The following NCOA2 variants were observed in gnomAD, a reference collection of about 807,000 sequenced individuals.
NCOA2 encodes the protein class E basic helix-loop-helix protein 75.
Under a neutral mutation model 145.1 loss-of-function variants are expected in NCOA2, and 21 were observed. That is an observed-to-expected ratio of 0.14 (90% CI 0.10 to 0.21). The LOEUF (loss-of-function observed/expected upper bound fraction) is 0.21. Among genes scored for constraint, NCOA2 ranks in the 10% least tolerant of loss-of-function variants. The pLI is 1.00. For missense variants in NCOA2, 1,472 were observed against 1,837.6 expected (o/e 0.80, Z 3.64); for synonymous variants, 619 against 637.5 (o/e 0.97, Z 0.44).
intron 1 of NCOA2, among the ~76,000 whole-genome samples, chr8:70,303,681 A>C (rs1827667502): frequency 2.0e-5 from 3 of 152,222 alleles, no homozygotes; most frequent in Admixed American, 2.0e-4. Flanking sequence ...TCTTTGAGTA[A>C]GACAATAACC....
chr8:70,149,774 A>G (rs1156425829), intron 11 of NCOA2, among the ~76,000 whole-genome samples: 1 of 152,216 alleles, frequency 6.6e-6, no homozygotes, highest in African/African-American at 2.4e-5. Context: ...TAGTGCAGAA[A>G]GTAGTACGAA....
chr8:70,395,745 G>C (rs1640529344), intron 1 of NCOA2, among the ~76,000 whole-genome samples: 2 of 152,128 alleles, frequency 1.3e-5, no homozygotes, highest in Admixed American at 6.5e-5. Context: ...TCCTCATTTA[G>C]ACGGGGACTT....
intron 2 of NCOA2, among the ~76,000 whole-genome samples, chr8:70,226,129 A>G (rs1335380581): frequency 1.3e-5 from 2 of 152,206 alleles, no homozygotes; most frequent in Non-Finnish European, 2.9e-5. Flanking sequence ...AATTTAAAAC[A>G]GAAAAGTTAT....
intron 11 of NCOA2, 98 bp from the exon 12 acceptor site, chr8:70,148,581 A>T: frequency 9.6e-7 from 1 of 1,045,834 alleles, no homozygotes; most frequent in Non-Finnish European, 1.4e-6. Flanking sequence ...AAGGCACCAC[A>T]GCCAAATAAA....
intron 2 of NCOA2, among the ~76,000 whole-genome samples, chr8:70,282,519 C>T (rs1265034500): frequency 1.3e-5 from 2 of 152,074 alleles, no homozygotes; most frequent in East Asian, 3.8e-4. Flanking sequence ...AACCCCATCT[C>T]TACCAAAAAT....
rs1305506200 is a variant in NCOA2 at position 70,148,487 on chromosome 8, T to C, written c.2395-4A>G. The C allele has an allele frequency of 3.1e-6, 5 of 1,612,340 alleles. No homozygotes were observed. Among genetic ancestry groups the C allele is most frequent in the East Asian group, 2.2e-5 (1 of 44,874 alleles). ...AGTTGTCCAGCTCACTGCCAGGCTG[T>C]AGTTGACAAACAGAAGAGTTTATCC... On this transcript the variant is annotated splice_region_variant and splice_polypyrimidine_tract_variant and intron_variant, in intron 11 of 22. Coordinates refer to ENST00000452400, the MANE Select transcript of NCOA2 (RefSeq NM_006540.4).
Position 70,189,012 on chromosome 8 carries a change from A to C in NCOA2, c.260-14153T>G, listed in dbSNP as rs1463247179. Among the ~76,000 whole-genome samples, 3 of 152,200 alleles carry C rather than the reference A, an allele frequency of 2.0e-5. No homozygotes were observed. In the East Asian group the frequency reaches 5.8e-4, roughly 29 times the overall value. ...TACCAAATGTACATTGTTTCTTTTT[A>C]ACAAATTAAAATAATGCTGGATTTT... is the stretch of plus-strand genomic sequence containing the variant. On this transcript the variant is annotated intron_variant, in intron 4 of 22. Coordinates refer to ENST00000452400, the MANE Select transcript of NCOA2 (RefSeq NM_006540.4).
intron 4 of NCOA2, among the ~76,000 whole-genome samples, chr8:70,186,249 C>T (rs1213586887): frequency 6.6e-6 from 1 of 152,142 alleles, no homozygotes; most frequent in Non-Finnish European, 1.5e-5. Context: ...AACAGAACTT[C>T]TGTGGGGAAA....
intron 11 of NCOA2, among the ~76,000 whole-genome samples, chr8:70,153,572 G>A (rs1811979067): frequency 6.6e-6 from 1 of 152,086 alleles, no homozygotes; most frequent in East Asian, 1.9e-4. Context: ...GGAAGGCCTG[G>A]CCACGTTAGA....
chr8:70,204,616 C>T (rs1054052006), intron 4 of NCOA2, among the ~76,000 whole-genome samples: 1 of 152,116 alleles, frequency 6.6e-6, no homozygotes, highest in Non-Finnish European at 1.5e-5. Context: ...AACCATTACA[C>T]AAGGCTGAAT....
Position 70,156,038 on chromosome 8 carries a change from G to A in NCOA2, c.2327C>T (p.Ala776Val), listed in dbSNP as rs1192427644. The A allele has an allele frequency of 5.6e-6, 9 of 1,609,278 alleles. No homozygotes were observed. The South Asian group carries it at 1.0e-4, about 18-fold the overall frequency. Reference protein sequence around the residue: ...LERLDSKTDPASNTKLIAMKT... With the variant: ...LERLDSKTDPVSNTKLIAMKT... The stretch of plus-strand genomic sequence containing the variant: ...CATTGCTATTAATTTTGTGTTACTG[G>A]CAGGATCTGTCTTACTGTCCAGTCT... The change falls in exon 11 of 23, where the codon GCC (alanine) becomes GTC (valine). Residue 776 changes from alanine (A) to valine (V), a missense_variant. Around this residue, in one of 4 missense-constraint regions of NCOA2, gnomAD observed 953 missense variants for 1,062.1 expected, o/e 0.90. Transcript: ENST00000452400.
rs78641890 is a variant in NCOA2 at position 70,136,014 on chromosome 8, G to A, written c.3158+2189C>T. On this transcript the variant is annotated intron_variant, in intron 15 of 22. Coordinates refer to ENST00000452400, the MANE Select transcript of NCOA2 (RefSeq NM_006540.4). The stretch of plus-strand genomic sequence containing the variant: ...AAAAAAGCAGCAGCTACTGAATGAT[G>A]AGAAATAGTCAACAAAAGAAACCTT... 5.9e-3 allele frequency among the ~76,000 whole-genome samples: 892 copies of A among 152,280 alleles called. 5 individuals carry two copies. The highest frequency in any genetic ancestry group is 0.02 in the African/African-American group (830 of 41,554).
At position 70,334,617 on chromosome 8, in the gene NCOA2, T is replaced by C. The variant is rs1289078565; in HGVS notation, c.-76-37817A>G. ...AGCATGAAATTCTAAGGGAAGGGGG[T>C]TGTAGACTTATCCTTACATCAATCC... On this transcript the variant is annotated intron_variant, in intron 1 of 22. Coordinates refer to ENST00000452400, the MANE Select transcript of NCOA2 (RefSeq NM_006540.4). Among the ~76,000 whole-genome samples, 5 of 152,192 alleles carry C rather than the reference T, an allele frequency of 3.3e-5. No homozygotes were observed. The South Asian group carries it at 6.2e-4, about 19-fold the overall frequency.
chr8:70,211,225 C>A (rs927267987), intron 4 of NCOA2, among the ~76,000 whole-genome samples: 1 of 152,104 alleles, frequency 6.6e-6, no homozygotes, highest in African/African-American at 2.4e-5. Flanking sequence ...CTTTGGGAGG[C>A]CGAGGCAGGC....
intron 1 of NCOA2, among the ~76,000 whole-genome samples, chr8:70,361,439 C>T (rs953918715): frequency 1.3e-5 from 2 of 151,006 alleles, no homozygotes; most frequent in African/African-American, 2.4e-5. Flanking sequence ...CACTGCACTC[C>T]AGTCTGAGCA....
In NCOA2 at chr8:70,113,393, T is replaced by A; in HGVS notation, c.*239A>T. On this transcript the variant is annotated 3_prime_UTR_variant, in exon 23 of 23. Transcript: ENST00000452400. Reference sequence around the variant, plus strand: ...GAGATCTAAGTTGCACTAAGGTGAATGCAGTGAACAGACTGAGCGACTGTC... The same window carrying A: ...GAGATCTAAGTTGCACTAAGGTGAAAGCAGTGAACAGACTGAGCGACTGTC... 1 of 577,192 alleles carries A rather than the reference T, an allele frequency of 1.7e-6. No homozygotes were observed. The highest frequency in any genetic ancestry group is 2.8e-5 in the East Asian group (1 of 35,922). The allele number at this position is 577,192 out of a possible 1,614,324, so 35.8% of individuals were successfully genotyped here. A position where few individuals can be genotyped will look rare whatever the true frequency, so the allele number is the denominator to read the frequency against.
chr8:70,192,884 T>C (rs529967335), intron 4 of NCOA2, among the ~76,000 whole-genome samples: 4 of 151,948 alleles, frequency 2.6e-5, no homozygotes, highest in Middle Eastern at 3.4e-3. Context: ...CTGACCAACA[T>C]GGTGAAAACT....
At chr8:70,255,109 G>A (rs2134862976) in intron 2 of NCOA2, among the ~76,000 whole-genome samples, 1 of 152,246 alleles carries the variant, frequency 6.6e-6, no homozygotes, top group Middle Eastern at 3.4e-3. Flanking sequence ...GACCCATAAG[G>A]AGAGAAGCCA....
At chr8:70,277,851 T>C (rs1264596963) in intron 2 of NCOA2, among the ~76,000 whole-genome samples, 2 of 152,210 alleles carry the variant, frequency 1.3e-5, no homozygotes. Context: ...CCAGCCAGTT[T>C]TCTGTTTTCT....
Sources: gnomAD v4.1 joint callset for allele counts (sites outside exome capture counted in the v4.1 genomes callset) on GRCh38, gnomAD v4.1.1 for gene constraint, gnomAD v4.1.1 regional missense constraint, MANE v1.5 for transcripts, NCBI Gene and HGNC (gene_info 2026-07-23, HGNC 2026-07-21) for gene names.